NRXN3: variants seen among roughly 807,000 people sequenced by gnomAD.
NRXN3 encodes the protein neurexin III.
Under a neutral mutation model 137.6 loss-of-function variants are expected in NRXN3, and 32 were observed. The ratio of observed to expected loss-of-function variants is 0.23; its 90% confidence interval spans 0.18 to 0.31. NRXN3 has a LOEUF of 0.31. Among genes scored for constraint, NRXN3 ranks in the 10% least tolerant of loss-of-function variants. The pLI is 1.00. For missense variants in NRXN3, 1,574 were observed against 2,062.5 expected (o/e 0.76, Z 4.59); for synonymous variants, 798 against 784.5 (o/e 1.02, Z -0.29).
chr14:79,826,472 A>C (rs2099301958), intron 20 of NRXN3, among the ~76,000 whole-genome samples: 1 of 152,210 alleles, frequency 6.6e-6, no homozygotes, highest in Non-Finnish European at 1.5e-5. Context: ...GCCATTTGAG[A>C]GTATGCATAC....
Position 79,753,507 on chromosome 14 carries a change from G to C in NRXN3, c.4015-51605G>C, listed in dbSNP as rs563799245. Among the ~76,000 whole-genome samples, 9 of 144,042 alleles carry C rather than the reference G, an allele frequency of 6.2e-5. No individual in the cohort carries two copies. In the East Asian group the frequency reaches 1.9e-3, roughly 30 times the overall value. The allele number at this position is 144,042 out of a possible 152,430, so 94.5% of individuals were successfully genotyped here. On this transcript the variant is annotated intron_variant, in intron 19 of 20. Transcript: ENST00000335750. ...ACACCGCATGTTCTCACTCATAGAT[G>C]GGAATTGAACAATGAAAACACATGG...
At chr14:78,431,992 C>T (rs929117963) in intron 4 of NRXN3, among the ~76,000 whole-genome samples, 18 of 152,080 alleles carry the variant, frequency 1.2e-4, no homozygotes, top group African/African-American at 3.6e-4. Context: ...GGATTTTAAC[C>T]GGGGTATTCA....
At chr14:78,642,689 TCAGGGTCACCTC>T in intron 4 of NRXN3, among the ~76,000 whole-genome samples, 1 of 152,342 alleles carries the variant, frequency 6.6e-6, no homozygotes, top group Non-Finnish European at 1.5e-5. Context: ...CTACTCTAGA[TCAGGGTCACCTC>T]CAGGTCTCCT....
chr14:78,752,659 C>G (rs775951408), intron 8 of NRXN3, among the ~76,000 whole-genome samples: 1 of 151,966 alleles, frequency 6.6e-6, no homozygotes, highest in African/African-American at 2.4e-5. Flanking sequence ...AAAGTATAGG[C>G]GTGGGAAGGG....
At chr14:79,585,229 G>T (rs1397654241) in intron 16 of NRXN3, among the ~76,000 whole-genome samples, 4 of 152,158 alleles carry the variant, frequency 2.6e-5, no homozygotes, top group Non-Finnish European at 1.5e-5. Flanking sequence ...TTGGTCAAAG[G>T]AAAGAAGTTT....
At chr14:78,212,259 A>G in intron 1 of NRXN3, among the ~76,000 whole-genome samples, 1 of 152,362 alleles carries the variant, frequency 6.6e-6, no homozygotes, top group East Asian at 1.9e-4. Flanking sequence ...AAAATGATTT[A>G]TAAGTATAAC....
intron 10 of NRXN3, among the ~76,000 whole-genome samples, chr14:78,893,887 G>A (rs1048363528): frequency 1.3e-5 from 2 of 151,980 alleles, no homozygotes; most frequent in East Asian, 3.9e-4. Context: ...GTTTCCCAGT[G>A]CATATAAAAG....
chr14:79,439,883 T>G (rs2095903891), intron 15 of NRXN3, among the ~76,000 whole-genome samples: 1 of 152,206 alleles, frequency 6.6e-6, no homozygotes, highest in African/African-American at 2.4e-5. Flanking sequence ...TACATAAACA[T>G]CACATGGGTA....
In NRXN3 at chr14:78,988,242, T is replaced by G. The variant is rs2153068936; in HGVS notation, c.3262+101T>G. The G allele has an allele frequency of 2.8e-6, 4 of 1,407,950 alleles. No homozygotes were observed. In the Middle Eastern group the frequency reaches 7.6e-4, roughly 268 times the overall value. 87.2% of individuals were successfully genotyped at this position (1,407,950 alleles called of 1,614,324 possible). A position where few individuals can be genotyped will look rare whatever the true frequency, so the allele number is the denominator to read the frequency against. On this transcript the variant is annotated intron_variant, in intron 15 of 20. Transcript: ENST00000335750. Reference sequence around the variant, plus strand: ...TAAAAGGATGGCTCTTCTGAAAGATTCATAAGTAATTCTCTCCTCCAGAAA... The same window carrying G: ...TAAAAGGATGGCTCTTCTGAAAGATGCATAAGTAATTCTCTCCTCCAGAAA...
At chr14:79,500,489 T>G (rs1419318041) in intron 16 of NRXN3, among the ~76,000 whole-genome samples, 1 of 152,176 alleles carries the variant, frequency 6.6e-6, no homozygotes, top group East Asian at 1.9e-4. Flanking sequence ...CAGTTAAAAT[T>G]ATTAACTATT....
At chr14:78,388,956 T>G (rs2090374888) in intron 4 of NRXN3, among the ~76,000 whole-genome samples, 1 of 152,134 alleles carries the variant, frequency 6.6e-6, no homozygotes, top group South Asian at 2.1e-4. Flanking sequence ...TAAATAATGC[T>G]GTGATGTATA....
chr14:78,730,942 A>G (rs1426611286), intron 8 of NRXN3, among the ~76,000 whole-genome samples: 1 of 152,204 alleles, frequency 6.6e-6, no homozygotes, highest in African/African-American at 2.4e-5. Flanking sequence ...GTGTCCTCAG[A>G]TGAGGCTGAG....
intron 16 of NRXN3, among the ~76,000 whole-genome samples, chr14:79,653,904 C>T (rs1370856560): frequency 6.6e-6 from 1 of 152,068 alleles, no homozygotes; most frequent in Non-Finnish European, 1.5e-5. Flanking sequence ...CTGCCTATGG[C>T]AAATGGAATC....
intron 16 of NRXN3, among the ~76,000 whole-genome samples, 181 bp downstream of exon 16, chr14:79,467,583 C>T (rs2096445871): frequency 6.6e-6 from 1 of 152,190 alleles, no homozygotes; most frequent in South Asian, 2.1e-4. Context: ...CTTAAAAACT[C>T]TTCCTTCTTC....
At chr14:79,617,778 T>A (rs757163388) in intron 16 of NRXN3, among the ~76,000 whole-genome samples, 2 of 152,130 alleles carry the variant, frequency 1.3e-5, no homozygotes, top group Non-Finnish European at 2.9e-5. Flanking sequence ...CAATCTCCTG[T>A]TTACTGAGTG....
chr14:78,709,977 A>G (rs376168270), intron 7 of NRXN3: 1 of 287,768 alleles, frequency 3.5e-6, no homozygotes, highest in East Asian at 8.0e-5. Context: ...ATCCGCCCCC[A>G]TTGCCCCATT....
intron 8 of NRXN3, among the ~76,000 whole-genome samples, chr14:78,785,901 CTAGA>C (rs1182967964): frequency 6.6e-6 from 1 of 152,142 alleles, no homozygotes; most frequent in Non-Finnish European, 1.5e-5. Flanking sequence ...CCATATCCTT[CTAGA>C]TAAAGTTCCT....
At chr14:78,695,259 C>A (rs2098214621) in intron 6 of NRXN3, 1 of 151,972 alleles carries the variant, frequency 6.6e-6, no homozygotes, top group Non-Finnish European at 1.5e-5. Flanking sequence ...ACCTCAAGAT[C>A]CCTAACTTAA....
At chr14:79,490,794 C>G (rs11849966) in intron 16 of NRXN3, among the ~76,000 whole-genome samples, 2,713 of 152,004 alleles carry the variant, frequency 0.018, 93 homozygotes, top group African/African-American at 0.063. Flanking sequence ...CTCATCTGTA[C>G]ATTTTAAAGT....
Sources: gnomAD v4.1 joint callset for allele counts (sites outside exome capture counted in the v4.1 genomes callset) on GRCh38, gnomAD v4.1.1 for gene constraint, MANE v1.5 for transcripts, NCBI Gene and HGNC (gene_info 2026-07-23, HGNC 2026-07-21) for gene names.